MCC: variants seen among roughly 807,000 people sequenced by gnomAD.
The protein encoded by MCC is colorectal mutant cancer protein.
A neutral mutation model predicts 116.2 loss-of-function variants in MCC; 90 were observed. That is an observed-to-expected ratio of 0.77 (90% CI 0.65 to 0.92). The LOEUF (loss-of-function observed/expected upper bound fraction) is 0.92. MCC is among the 40% of genes least tolerant of loss of function. The probability of loss-of-function intolerance (pLI) is 0.00; values close to 1 mark genes in which losing one functional copy is unlikely to be tolerated. For missense variants in MCC, 1,516 were observed against 1,312.2 expected, an observed-to-expected ratio of 1.16 and a Z score of -2.40; for synonymous variants, 578 against 510.5, an observed-to-expected ratio of 1.13 and a Z score of -1.78.
chr5:113,281,307 A>G (rs187692090), intron 3 of MCC, among the ~76,000 whole-genome samples: 237 of 152,306 alleles, frequency 1.6e-3, no homozygotes, highest in Non-Finnish European at 2.3e-3. Context: ...CACTGATAAA[A>G]CTTCTACAGT....
intron 3 of MCC, among the ~76,000 whole-genome samples, chr5:113,292,161 G>C (rs1028143259): frequency 6.6e-6 from 1 of 152,126 alleles, no homozygotes; most frequent in Non-Finnish European, 1.5e-5. Flanking sequence ...GAACCCGGGA[G>C]GCAGAGGTTG....
In MCC at chr5:113,173,753, T is replaced by C. The variant is rs541089158; in HGVS notation, c.628-22331A>G. Among the ~76,000 whole-genome samples the C allele has an allele frequency of 2.0e-5, 3 of 152,360 alleles. No individual in the cohort carries two copies. In the South Asian group the frequency reaches 6.2e-4, roughly 32 times the overall value. ...TCTATTCCTAGTAGCTAGTACAGTGTACTAGAATGAATGAAATCAAAGTGA... is the reference window on the plus strand; with the variant it reads ...TCTATTCCTAGTAGCTAGTACAGTGCACTAGAATGAATGAAATCAAAGTGA... On this transcript the variant is annotated intron_variant, in intron 3 of 18. Coordinates refer to ENST00000408903, the MANE Select transcript of MCC (RefSeq NM_001085377.2).
chr5:113,448,995 T>G (rs958508427), intron 1 of MCC, among the ~76,000 whole-genome samples: 12 of 145,476 alleles, frequency 8.2e-5, no homozygotes, highest in Admixed American at 6.6e-4. Flanking sequence ...GTTAACATTG[T>G]TTGTTGGATG....
intron 3 of MCC, among the ~76,000 whole-genome samples, chr5:113,320,033 T>G (rs1767381141): frequency 6.6e-6 from 1 of 152,248 alleles, no homozygotes; most frequent in Non-Finnish European, 1.5e-5. Flanking sequence ...CATAAAATAC[T>G]AAAACCCAAC....
chr5:113,060,124 A>C (rs1753116267), intron 14 of MCC, among the ~76,000 whole-genome samples: 1 of 151,856 alleles, frequency 6.6e-6, no homozygotes, highest in African/African-American at 2.4e-5. Context: ...CTGAGATCTC[A>C]TTTCCATCAA....
At chr5:113,442,986 T>G (rs1360639994) in intron 1 of MCC, among the ~76,000 whole-genome samples, 3 of 152,348 alleles carry the variant, frequency 2.0e-5, no homozygotes, top group Non-Finnish European at 4.4e-5. Flanking sequence ...ATGCAAGGTC[T>G]TTTTTGGTTC....
intron 2 of MCC, among the ~76,000 whole-genome samples, chr5:113,375,443 C>T (rs563083756): frequency 6.6e-6 from 1 of 152,256 alleles, no homozygotes; most frequent in Admixed American, 6.5e-5. Context: ...TTTACTGCTA[C>T]ATAAAAAACC....
intron 18 of MCC, among the ~76,000 whole-genome samples, chr5:113,028,669 C>T (rs1159312474): frequency 6.6e-6 from 1 of 152,112 alleles, no homozygotes; most frequent in East Asian, 1.9e-4. Flanking sequence ...ATACATAATA[C>T]CAGGAGGCAT....
At chr5:113,485,071 C>T (rs1298996891) in intron 1 of MCC, among the ~76,000 whole-genome samples, 1 of 152,148 alleles carries the variant, frequency 6.6e-6, no homozygotes, top group Non-Finnish European at 1.5e-5. Context: ...AGTTCCTTGG[C>T]AGAAGCAGCA....
At chr5:113,344,926 G>A (rs1408194470) in intron 2 of MCC, among the ~76,000 whole-genome samples, 1 of 152,044 alleles carries the variant, frequency 6.6e-6, no homozygotes, top group Non-Finnish European at 1.5e-5. Flanking sequence ...AAGTAAAGAG[G>A]ACTCTGTCTT....
At chr5:113,117,087 G>T (rs946920533) in intron 6 of MCC, among the ~76,000 whole-genome samples, 7 of 152,216 alleles carry the variant, frequency 4.6e-5, no homozygotes, top group African/African-American at 1.7e-4. Context: ...CAAAAAGTGA[G>T]TATTCTCCAG....
intron 16 of MCC, among the ~76,000 whole-genome samples, chr5:113,046,380 T>C (rs1247405380): frequency 1.3e-5 from 2 of 151,872 alleles, no homozygotes; most frequent in Admixed American, 6.6e-5. Flanking sequence ...TTAGTAGAGA[T>C]GGGGTTTCAC....
At chr5:113,385,256 T>C in intron 1 of MCC, 44 bp from the exon 2 acceptor site, 7 of 1,584,336 alleles carry the variant, frequency 4.4e-6, no homozygotes, top group Non-Finnish European at 6.0e-6. Context: ...ATGAGTGACA[T>C]TTAAGCTAGA....
At chr5:113,396,173 C>T (rs1355098097) in intron 1 of MCC, among the ~76,000 whole-genome samples, 1 of 152,068 alleles carries the variant, frequency 6.6e-6, no homozygotes, top group Non-Finnish European at 1.5e-5. Context: ...ACAAAAAATA[C>T]AAACATTAGC....
chr5:113,391,074 C>G (rs900117582), intron 1 of MCC, among the ~76,000 whole-genome samples: 2 of 152,178 alleles, frequency 1.3e-5, no homozygotes, highest in Admixed American at 1.3e-4. Flanking sequence ...ATTTGCCTTT[C>G]TTTCATCATT....
chr5:113,054,190 G>C (rs1752665942), intron 14 of MCC, among the ~76,000 whole-genome samples: 1 of 152,178 alleles, frequency 6.6e-6, no homozygotes, highest in South Asian at 2.1e-4. Context: ...GTGGACTCTA[G>C]AAATGAATTT....
chr5:113,203,969 C>T (rs528616154), intron 3 of MCC, among the ~76,000 whole-genome samples: 3 of 152,272 alleles, frequency 2.0e-5, no homozygotes, highest in East Asian at 1.9e-4. Context: ...GGAGAGATGC[C>T]GGACGCCAAA....
chr5:113,121,894 A>G (rs957223292), intron 6 of MCC, among the ~76,000 whole-genome samples: 5 of 150,844 alleles, frequency 3.3e-5, no homozygotes, highest in Admixed American at 2.0e-4. Flanking sequence ...ATAACTTCAA[A>G]GCCTCTTCCC....
At position 113,376,574 on chromosome 5, in the gene MCC, T is replaced by TATATACACAC. The variant is rs10633405; in HGVS notation, c.415+8393_415+8394insGTGTGTATAT. On this transcript the variant is annotated intron_variant, in intron 2 of 18. Coordinates refer to ENST00000408903, the MANE Select transcript of MCC (RefSeq NM_001085377.2). The stretch of plus-strand genomic sequence containing the variant: ...TGAATCTCCTAGTTGCCATATTTTA[T>TATATACACAC]ACACACACACACACACACACACACA... 6.7e-3 allele frequency among the ~76,000 whole-genome samples: 972 copies of TATATACACAC among 145,862 alleles called. 10 individuals carry two copies. Among genetic ancestry groups the TATATACACAC allele is most frequent in the Non-Finnish European group, 7.0e-3 (468 of 66,690 alleles).
Sources: gnomAD v4.1 joint callset for allele counts (sites outside exome capture counted in the v4.1 genomes callset) on GRCh38, gnomAD v4.1.1 for gene constraint, MANE v1.5 for transcripts, NCBI Gene and HGNC (gene_info 2026-07-23, HGNC 2026-07-21) for gene names.